GPC5: variants seen among roughly 807,000 people sequenced by gnomAD.
GPC5 encodes glypican-5.
A neutral mutation model predicts 53.9 loss-of-function variants in GPC5; 47 were observed. That is an observed-to-expected ratio of 0.87 (90% CI 0.69 to 1.11). The LOEUF is 1.11. Among genes scored for constraint, GPC5 ranks in the 50% most tolerant of loss-of-function variants. GPC5 has a pLI of 0.00. For synonymous variants in GPC5, 286 were observed against 263.3 expected (o/e 1.09, Z -0.84); for missense variants, 748 against 713.1 (o/e 1.05, Z -0.56).
chr13:92,518,825 T>G (rs1353534452), intron 7 of GPC5, among the ~76,000 whole-genome samples: 2 of 152,042 alleles, frequency 1.3e-5, no homozygotes, highest in South Asian at 4.2e-4. Context: ...TTAAAAGACA[T>G]AGACTGGCAA....
chr13:92,829,313 G>A (rs1273541832), intron 7 of GPC5, among the ~76,000 whole-genome samples: 1 of 152,154 alleles, frequency 6.6e-6, no homozygotes, highest in Non-Finnish European at 1.5e-5. Context: ...GATAAAACAA[G>A]TTACTGCCAT....
At chr13:91,648,203 C>G (rs1432752698) in intron 2 of GPC5, among the ~76,000 whole-genome samples, 1 of 152,144 alleles carries the variant, frequency 6.6e-6, no homozygotes, top group Admixed American at 6.5e-5. Flanking sequence ...ATTCATTTAT[C>G]AAACATTTAT....
At chr13:91,400,698 T>C (rs1876873450) in intron 1 of GPC5, among the ~76,000 whole-genome samples, 1 of 152,152 alleles carries the variant, frequency 6.6e-6, no homozygotes, top group Non-Finnish European at 1.5e-5. Context: ...CGAATGTTGA[T>C]GGCCAGCCCC....
At chr13:91,593,911 TAA>T (rs200209278) in intron 2 of GPC5, among the ~76,000 whole-genome samples, 16 of 113,344 alleles carry the variant, frequency 1.4e-4, no homozygotes, top group Admixed American at 8.8e-5. Context: ...CACAAAGAAC[TAA>T]AAAAAAAAAA....
chr13:92,363,293 G>A (rs1422988638), intron 7 of GPC5, among the ~76,000 whole-genome samples: 1 of 151,516 alleles, frequency 6.6e-6, no homozygotes, highest in Non-Finnish European at 1.5e-5. Flanking sequence ...ATTGTCAGAA[G>A]GTTATCATCT....
At chr13:92,788,002 C>T (rs914653909) in intron 7 of GPC5, among the ~76,000 whole-genome samples, 10 of 151,502 alleles carry the variant, frequency 6.6e-5, no homozygotes, top group African/African-American at 2.4e-4. Context: ...GAGGATTTTC[C>T]AAATGTCGAG....
At chr13:92,396,703 G>T (rs1333172148) in intron 7 of GPC5, among the ~76,000 whole-genome samples, 1 of 152,126 alleles carries the variant, frequency 6.6e-6, no homozygotes, top group Admixed American at 6.5e-5. Flanking sequence ...TTTGCACTGT[G>T]TTGTTATCTT....
At chr13:91,817,091 C>T (rs2138820749) in intron 5 of GPC5, among the ~76,000 whole-genome samples, 1 of 152,222 alleles carries the variant, frequency 6.6e-6, no homozygotes, top group Admixed American at 6.5e-5. Context: ...ATTTTAGCTT[C>T]ATTTTAGGCA....
chr13:91,416,206 A>C (rs1878207619), intron 1 of GPC5, among the ~76,000 whole-genome samples: 1 of 152,174 alleles, frequency 6.6e-6, no homozygotes, highest in Non-Finnish European at 1.5e-5. Flanking sequence ...AAACATATAA[A>C]TTTATGAGTC....
At chr13:91,949,952 T>C (rs947637104) in intron 6 of GPC5, among the ~76,000 whole-genome samples, 14 of 152,192 alleles carry the variant, frequency 9.2e-5, no homozygotes, top group Non-Finnish European at 2.1e-4. Flanking sequence ...GAATTTGATA[T>C]CATGGAAAAT....
chr13:92,370,034 A>C (rs1374126972), intron 7 of GPC5, among the ~76,000 whole-genome samples: 1 of 152,198 alleles, frequency 6.6e-6, no homozygotes, highest in African/African-American at 2.4e-5. Flanking sequence ...TCTCTGTTAG[A>C]ATCACTAAAA....
intron 2 of GPC5, among the ~76,000 whole-genome samples, chr13:91,495,252 A>G (rs1252680141): frequency 6.6e-6 from 1 of 152,186 alleles, no homozygotes; most frequent in Non-Finnish European, 1.5e-5. Context: ...AGAGTCATCC[A>G]AGCCACTGTT....
intron 7 of GPC5, among the ~76,000 whole-genome samples, chr13:92,530,499 A>G (rs1437296530): frequency 6.6e-6 from 1 of 152,044 alleles, no homozygotes; most frequent in Non-Finnish European, 1.5e-5. Flanking sequence ...TTTTTTTTCC[A>G]TATCTGAAAG....
intron 7 of GPC5, among the ~76,000 whole-genome samples, chr13:92,619,781 A>C (rs1411544525): frequency 6.6e-6 from 1 of 152,042 alleles, no homozygotes; most frequent in Non-Finnish European, 1.5e-5. Flanking sequence ...GAAAAACAAC[A>C]AGAATTTTTT....
intron 2 of GPC5, among the ~76,000 whole-genome samples, chr13:91,549,795 A>T (rs376902599): frequency 6.6e-6 from 1 of 152,194 alleles, no homozygotes; most frequent in African/African-American, 2.4e-5. Context: ...AACAGCTCTC[A>T]TTAATTGCTG....
chr13:92,405,491 C>T (rs1048487684), intron 7 of GPC5, among the ~76,000 whole-genome samples: 7 of 152,158 alleles, frequency 4.6e-5, no homozygotes, highest in Admixed American at 1.3e-4. Flanking sequence ...TGTATAGAAC[C>T]TATTTTTAAT....
intron 5 of GPC5, among the ~76,000 whole-genome samples, chr13:91,790,621 T>C (rs770066024): frequency 3.3e-5 from 5 of 152,220 alleles, no homozygotes; most frequent in Non-Finnish European, 7.3e-5. Context: ...CTATGATATG[T>C]TCAGAACATT....
At chr13:91,541,711 TA>T (rs1377915287) in intron 2 of GPC5, among the ~76,000 whole-genome samples, 1 of 152,084 alleles carries the variant, frequency 6.6e-6, no homozygotes, top group Non-Finnish European at 1.5e-5. Flanking sequence ...GATAATTATA[TA>T]TTTTTTTCAA....
chr13:92,323,138 G>A (rs1285421334), intron 7 of GPC5, among the ~76,000 whole-genome samples: 1 of 151,242 alleles, frequency 6.6e-6, no homozygotes, highest in Non-Finnish European at 1.5e-5. Flanking sequence ...ATAAGTCTAT[G>A]AAATCGAAGA....
Sources: gnomAD v4.1 joint callset for allele counts (sites outside exome capture counted in the v4.1 genomes callset) on GRCh38, gnomAD v4.1.1 for gene constraint, MANE v1.5 for transcripts, NCBI Gene and HGNC (gene_info 2026-07-23, HGNC 2026-07-21) for gene names.